Variants in HIVEP3 observed in about 807,000 individuals in gnomAD.
HIVEP3 encodes HIVEP zinc finger 3, also known as transcription factor HIVEP3.
In HIVEP3, 49 loss-of-function variants were observed where a neutral mutation model predicts 152.8. That is an observed-to-expected ratio of 0.32 (90% CI 0.26 to 0.41). HIVEP3 has a LOEUF of 0.41. Among genes scored for constraint, HIVEP3 ranks in the 10% least tolerant of loss-of-function variants. The pLI is 1.00. For synonymous variants in HIVEP3, 1,269 were observed against 1,289.0 expected, an observed-to-expected ratio of 0.98 and a Z score of 0.33; for missense variants, 2,790 against 3,103.3, an observed-to-expected ratio of 0.90 and a Z score of 2.40.
At position 41,513,453 on chromosome 1, in the gene HIVEP3, C is replaced by A; in HGVS notation, c.5768G>T (p.Arg1923Leu). 6.2e-7 allele frequency: 1 copy of A among 1,611,632 alleles called. No homozygotes were observed. The highest frequency in any genetic ancestry group is 8.5e-7 in the Non-Finnish European group (1 of 1,179,600). ...CATGGAGCAGCTGCTGGCTGTCAGG[C>A]GCTCAGCTTCCGAGACCGAGCTGCC... is the stretch of plus-strand genomic sequence containing the variant. ...TRGSSVSEAE[R>L]LTASSCSMSS... The change falls in exon 8 of 9, where the codon CGC becomes CTC. Residue 1923 changes from arginine to leucine, a missense_variant. Arg to Leu is a moderately radical substitution (Grantham distance 102, BLOSUM62 -2). Around this residue, in one of 9 missense-constraint regions of HIVEP3, gnomAD observed 816 missense variants for 806.5 expected, o/e 1.01. Coordinates refer to ENST00000372583, the MANE Select transcript of HIVEP3 (RefSeq NM_024503.5).
At chr1:41,640,686 T>C (rs1465217066) in intron 2 of HIVEP3, among the ~76,000 whole-genome samples, 1 of 152,204 alleles carries the variant, frequency 6.6e-6, no homozygotes, top group Admixed American at 6.5e-5. Flanking sequence ...CCCCGGGTTG[T>C]AGACACAGAA....
intron 1 of HIVEP3, among the ~76,000 whole-genome samples, chr1:42,001,038 G>T (rs558955373): frequency 6.6e-6 from 1 of 152,242 alleles, no homozygotes; most frequent in South Asian, 2.1e-4. Flanking sequence ...GGCTGAAGAC[G>T]CCAGAGCACA....
chr1:41,995,154 A>ACCCAGTGAAAGG (rs1038969642), intron 1 of HIVEP3, among the ~76,000 whole-genome samples: 1 of 152,098 alleles, frequency 6.6e-6, no homozygotes, highest in Non-Finnish European at 1.5e-5. Flanking sequence ...GATCACGAGT[A>ACCCAGTGAAAGG]CCCAGTGAAA....
At chr1:41,858,772 A>G (rs1643839946) in intron 1 of HIVEP3, among the ~76,000 whole-genome samples, 1 of 152,236 alleles carries the variant, frequency 6.6e-6, no homozygotes, top group Admixed American at 6.5e-5. Context: ...GAGAATGTCT[A>G]CAGGGGTAAG....
chr1:41,848,512 G>A (rs1643504221), intron 1 of HIVEP3: 1 of 152,212 alleles, frequency 6.6e-6, no homozygotes, highest in Non-Finnish European at 1.5e-5. Context: ...GTCAATCATG[G>A]ATAGACATGA....
intron 5 of HIVEP3, among the ~76,000 whole-genome samples, chr1:41,560,017 C>A (rs1436637994): frequency 6.6e-6 from 1 of 152,178 alleles, no homozygotes; most frequent in Non-Finnish European, 1.5e-5. Context: ...GATTTTCATG[C>A]AGGTGGTCCA....
At chr1:41,757,675 C>T (rs1050170621) in intron 1 of HIVEP3, among the ~76,000 whole-genome samples, 4 of 144,582 alleles carry the variant, frequency 2.8e-5, no homozygotes, top group African/African-American at 9.9e-5. Context: ...CCCCTTCAGT[C>T]TGTTTATATT....
intron 1 of HIVEP3, among the ~76,000 whole-genome samples, chr1:41,843,862 C>T (rs925070524): frequency 2.0e-5 from 3 of 152,066 alleles, no homozygotes; most frequent in Non-Finnish European, 2.9e-5. Flanking sequence ...CCCAGTAACT[C>T]GTCATTTAAC....
intron 1 of HIVEP3, among the ~76,000 whole-genome samples, chr1:41,718,732 CT>C (rs1197643273): frequency 1.3e-5 from 2 of 152,000 alleles, no homozygotes; most frequent in African/African-American, 4.8e-5. Flanking sequence ...TTCCCATTCC[CT>C]CCTCTGTCTC....
rs141873352 is a variant in HIVEP3 at position 41,576,776 on chromosome 1, C to T, written c.5062-1087G>A. Among the ~76,000 whole-genome samples, 328 of 152,272 alleles carry T rather than the reference C, an allele frequency of 2.2e-3. 1 individual carries two copies. Among genetic ancestry groups the T allele is most frequent in the South Asian group, 4.8e-3 (23 of 4,820 alleles). ...GATAGGCCATGGCACACTGGGCTGCCGTTTGGTGGATGACTTCACCTCTCT... is the reference window on the plus strand; with the variant it reads ...GATAGGCCATGGCACACTGGGCTGCTGTTTGGTGGATGACTTCACCTCTCT... On this transcript the variant is annotated intron_variant, in intron 4 of 8. Coordinates refer to ENST00000372583, the MANE Select transcript of HIVEP3 (RefSeq NM_024503.5).
rs61551837 is a variant in HIVEP3, at chr1:41,918,107, CCCGCCGCCGCCG to C, written c.-801+294_-801+305del. 2.1e-4 allele frequency among the ~76,000 whole-genome samples: 32 copies of C among 151,714 alleles called. No homozygotes were observed. Among genetic ancestry groups the C allele is most frequent in the Non-Finnish European group, 2.9e-4 (20 of 67,866 alleles). The stretch of plus-strand genomic sequence containing the variant: ...CGCACGGCGCGCATAGGGTTACAGC[CCCGCCGCCGCCG>C]CCGCCGCCGCCGCCTGTGATTGACG... On this transcript the variant is annotated intron_variant, in intron 1 of 8. Transcript: ENST00000372583. This position sits in a 1 kb window ranked among gnomAD's most constrained non-coding sequence, Gnocchi z 4.3.
chr1:41,817,352 G>A (rs1288131761), intron 1 of HIVEP3, among the ~76,000 whole-genome samples: 1 of 152,180 alleles, frequency 6.6e-6, no homozygotes, highest in Non-Finnish European at 1.5e-5. Context: ...ATGGATCAAA[G>A]GAGTTGCAAT....
At chr1:41,663,098 C>A (rs548962187) in intron 2 of HIVEP3, among the ~76,000 whole-genome samples, 57 of 152,344 alleles carry the variant, frequency 3.7e-4, no homozygotes, top group African/African-American at 1.4e-3. Context: ...TTGCTCTGGC[C>A]AGGATCAAGC....
At position 41,579,954 on chromosome 1, in the gene HIVEP3, T is replaced by G; in HGVS notation, c.4844A>C (p.Asn1615Thr). ...SWCYLNYIKP[N>T]HIQHADRRSS... ...CCTCCTATCTGCATGCTGGATGTGA[T>G]TTGGCTTAATGTAGTTTAAATAGCA... The change falls in exon 4 of 9, where the codon AAT becomes ACT. Residue 1615 changes from asparagine to threonine, a missense_variant. By Grantham distance (65) the Asn-to-Thr change is moderately conservative. Coordinates refer to ENST00000372583, the MANE Select transcript of HIVEP3 (RefSeq NM_024503.5). 1 of 1,614,214 alleles carries G rather than the reference T, an allele frequency of 6.2e-7. No individual in the cohort carries two copies. The highest frequency in any genetic ancestry group is 8.5e-7 in the Non-Finnish European group (1 of 1,180,032).
At chr1:41,655,651 G>A (rs557653251) in intron 2 of HIVEP3, among the ~76,000 whole-genome samples, 5 of 148,354 alleles carry the variant, frequency 3.4e-5, no homozygotes, top group South Asian at 2.1e-4. Context: ...CCCTCCCCAC[G>A]GCATTCTCTA....
chr1:41,924,948 T>C (rs1487259536), intron 1 of HIVEP3, among the ~76,000 whole-genome samples: 2 of 152,182 alleles, frequency 1.3e-5, no homozygotes, highest in African/African-American at 4.8e-5. Context: ...TTCTTAGAAA[T>C]TCACCTGGAG....
Position 41,580,019 on chromosome 1 carries a change from C to A in HIVEP3, c.4779G>T (p.Leu1593=). Residue 1593 remains leucine, a synonymous_variant, in exon 4 of 9, where the codon CTG becomes CTT. Coordinates refer to ENST00000372583, the MANE Select transcript of HIVEP3 (RefSeq NM_024503.5). ...SQEGTDSKKV[L]QFPSLHTTTN... ...TGGTTGTGTGGAGGCTGGGGAACTG[C>A]AGTACCTTCTTTGAGTCCGTACCTT... 6.2e-7 allele frequency: 1 copy of A among 1,614,198 alleles called. No individual in the cohort carries two copies.
chr1:41,902,030 G>A (rs1412370438), intron 1 of HIVEP3, among the ~76,000 whole-genome samples: 3 of 152,066 alleles, frequency 2.0e-5, no homozygotes, highest in African/African-American at 4.8e-5. Flanking sequence ...GTAAAGTCTG[G>A]CTAAGAAGTG....
intron 1 of HIVEP3, among the ~76,000 whole-genome samples, chr1:41,872,226 GGAAGAAGA>G (rs1557470359): frequency 2.0e-4 from 30 of 152,320 alleles, no homozygotes; most frequent in Admixed American, 1.2e-3. Flanking sequence ...GCCATGTGGT[GGAAGAAGA>G]TTTACAGACA....
Sources: gnomAD v4.1 joint callset for allele counts (sites outside exome capture counted in the v4.1 genomes callset) on GRCh38, gnomAD v4.1.1 for gene constraint, gnomAD v4.1.1 regional missense constraint, Gnocchi (gnomAD v3.1) non-coding constraint, MANE v1.5 for transcripts, NCBI Gene and HGNC (gene_info 2026-07-23, HGNC 2026-07-21) for gene names.